Variants in CHM observed in about 807,000 individuals in gnomAD.
CHM encodes the protein rab proteins geranylgeranyltransferase component A 1.
In CHM, 10 loss-of-function variants were observed where a neutral mutation model predicts 49.0. That is an observed-to-expected ratio of 0.20 (90% CI 0.13 to 0.35). The LOEUF is 0.35. Ranked by LOEUF, CHM falls within the 10% of genes least tolerant of loss-of-function variation. CHM has a pLI of 1.00. For synonymous variants in CHM, 184 were observed against 167.5 expected, an observed-to-expected ratio of 1.10 and a Z score of -0.76; for missense variants, 455 against 478.4, an observed-to-expected ratio of 0.95 and a Z score of 0.46.
chrX:85,894,194 C>A lies in CHM; in HGVS notation c.1504G>T (p.Gly502Cys). 8.3e-7 allele frequency: 1 copy of A among 1,206,768 alleles called. No homozygotes were observed. Among genetic ancestry groups the A allele is most frequent in the Non-Finnish European group, 1.1e-6 (1 of 891,124 alleles). The change falls in exon 12 of 15, where the codon GGC becomes TGC. Residue 502 changes from glycine (G) to cysteine (C), a missense_variant. Gly to Cys is a radical substitution (Grantham distance 159). Transcript: ENST00000357749. The part of the protein sequence containing the change: ...LCSSTMTCMK[G>C]TYLVHLTCTS... Reference sequence around the variant, plus strand: ...ACCACTCTACTATGCTTACAGGTGCCTTTCATGCATGTCATCGTTGAAGAA... The same window carrying A: ...ACCACTCTACTATGCTTACAGGTGCATTTCATGCATGTCATCGTTGAAGAA...
At chrX:85,911,461 A>G (rs750911441) in intron 8 of CHM, 123 bp from the exon 9 acceptor site, 1 of 296,670 alleles carries the variant, frequency 3.4e-6, no homozygotes, top group Admixed American at 3.8e-5. Flanking sequence ...TTGATAATGT[A>G]CTATTTTCTC....
At chrX:85,978,475 A>C (rs1226606759) in intron 4 of CHM, among the ~76,000 whole-genome samples, 2 of 111,908 alleles carry the variant, frequency 1.8e-5, no homozygotes. Context: ...TTCTGTAAAA[A>C]AAATCCAACT....
At chrX:86,040,683 T>G (rs374944271) in intron 1 of CHM, among the ~76,000 whole-genome samples, 37 of 112,302 alleles carry the variant, frequency 3.3e-4, no homozygotes, top group South Asian at 2.6e-3. Context: ...CCTGTCTGTT[T>G]GCAAACTGTT....
intron 8 of CHM, among the ~76,000 whole-genome samples, chrX:85,947,671 A>G (rs1482996772): frequency 8.9e-6 from 1 of 111,745 alleles, no homozygotes; most frequent in African/African-American, 3.3e-5. Context: ...TCTATAGAAC[A>G]AAGAGCCTGC....
chrX:85,865,754 C>A (rs1419790511), intron 14 of CHM, among the ~76,000 whole-genome samples: 2 of 112,099 alleles, frequency 1.8e-5, no homozygotes, highest in African/African-American at 6.5e-5. Flanking sequence ...TTATTGGGAA[C>A]TGGAGCAAAG....
At chrX:85,928,176 T>C (rs1928201279) in intron 8 of CHM, among the ~76,000 whole-genome samples, 1 of 112,212 alleles carries the variant, frequency 8.9e-6, no homozygotes, top group African/African-American at 3.2e-5. Context: ...AATGAAAGTG[T>C]CTCTTTATTC....
intron 12 of CHM, among the ~76,000 whole-genome samples, chrX:85,891,906 TG>T (rs779973439): frequency 4.3e-4 from 48 of 112,139 alleles, no homozygotes; most frequent in Middle Eastern, 9.2e-3. Context: ...AGAGTGGAGC[TG>T]CCCAAGACCA....
intron 2 of CHM, among the ~76,000 whole-genome samples, chrX:86,021,045 CATATATACACACATATATATACACAT>C (rs1284361201): frequency 2.8e-4 from 27 of 95,131 alleles, no homozygotes; most frequent in Middle Eastern, 0.011. Context: ...TATATATACA[CATATATACACACATATATATACACAT>C]ATATATACAC....
intron 8 of CHM, 81 bp from the exon 9 acceptor site, chrX:85,911,419 C>T (rs761976620): frequency 4.9e-6 from 2 of 409,693 alleles, no homozygotes; most frequent in East Asian, 8.0e-5. Flanking sequence ...AAGTATTTTA[C>T]ACTTCATAAC....
At chrX:85,987,434 TA>T (rs1169129047) in intron 2 of CHM, among the ~76,000 whole-genome samples, 4 of 111,711 alleles carry the variant, frequency 3.6e-5, no homozygotes, top group African/African-American at 1.3e-4. Context: ...CCCATCAGGC[TA>T]AAAGTGGTCC....
At position 86,047,227 on chromosome X, in the gene CHM, G is replaced by A. The variant is rs775199828; in HGVS notation, c.49+257C>T. 83 of 423,911 alleles carry A rather than the reference G, an allele frequency of 2.0e-4. 1 individual carries two copies. In the South Asian group the frequency reaches 2.8e-3, roughly 14 times the overall value. 34.9% of individuals were successfully genotyped at this position (423,911 alleles called of 1,213,427 possible). A position where few individuals can be genotyped will look rare whatever the true frequency, so the allele number is the denominator to read the frequency against. ...CACTTCCCTCTAAGGAAATTAACAG[G>A]AATCACCGCAGCAACCAACCTCAGC... On this transcript the variant is annotated intron_variant, in intron 1 of 14. Coordinates refer to ENST00000357749, the MANE Select transcript of CHM (RefSeq NM_000390.4).
chrX:85,985,027 G>C (rs996919076), intron 2 of CHM, among the ~76,000 whole-genome samples: 1 of 111,582 alleles, frequency 9.0e-6, no homozygotes, highest in Non-Finnish European at 1.9e-5. Context: ...TAGGAAAGGG[G>C]CTGAATTCAG....
Position 86,022,578 on chromosome X carries a change from C to T in CHM, c.116+4913G>A, listed in dbSNP as rs73630491. On this transcript the variant is annotated intron_variant, in intron 2 of 14. Transcript: ENST00000357749. ...CCCATGCCTTAAAAGTTGCTCTTGC[C>T]CAGGTTTCTATACTTGCCTGTTTTG... 7.0e-3 allele frequency among the ~76,000 whole-genome samples: 772 copies of T among 111,056 alleles called. 5 individuals are homozygous for T. The highest frequency in any genetic ancestry group is 0.023 in the African/African-American group (700 of 30,586).
intron 8 of CHM, among the ~76,000 whole-genome samples, chrX:85,927,805 G>A (rs996995920): frequency 8.9e-6 from 1 of 111,799 alleles, no homozygotes; most frequent in Non-Finnish European, 1.9e-5. Context: ...TTTTTGGCTG[G>A]TAGCCCCCCT....
Position 85,863,323 on chromosome X carries a change from C to T in CHM, c.*1307G>A, listed in dbSNP as rs1221790069. 9.0e-6 allele frequency: 1 copy of T among 111,521 alleles called. No homozygotes were observed. Among genetic ancestry groups the T allele is most frequent in the Non-Finnish European group, 1.9e-5 (1 of 53,137 alleles). 9.2% of individuals were successfully genotyped at this position (111,521 alleles called of 1,213,427 possible). A position where few individuals can be genotyped will look rare whatever the true frequency, so the allele number is the denominator to read the frequency against. On this transcript the variant is annotated 3_prime_UTR_variant, in exon 15 of 15. Transcript: ENST00000357749. ...GGCCAGGCTGGTCTCGAACTCCTGA[C>T]CTCAAGTGATCTACCCACCTCAGCT...
intron 14 of CHM, 93 bp from the exon 15 acceptor site, chrX:85,864,914 A>G: frequency 3.3e-6 from 3 of 898,957 alleles, no homozygotes; most frequent in Non-Finnish European, 4.7e-6. Flanking sequence ...TAAGTGTTTT[A>G]TCCTTAAAAA....
chrX:85,960,581 G>A (rs1205537235), intron 5 of CHM, among the ~76,000 whole-genome samples: 2 of 110,052 alleles, frequency 1.8e-5, no homozygotes, highest in African/African-American at 3.3e-5. Context: ...GCAATGCCAC[G>A]CCCAGCTAAT....
In CHM at chrX:85,934,019, T is replaced by C. The variant is rs746977352; in HGVS notation, c.1166+22134A>G. On this transcript the variant is annotated intron_variant, in intron 8 of 14. Coordinates refer to ENST00000357749, the MANE Select transcript of CHM (RefSeq NM_000390.4). ...TCTTTGAGACGGAGTCTCGCTCTGT[T>C]GCCCAGGCTGGAGTGCAGTAGCGCA... 8.3e-5 allele frequency among the ~76,000 whole-genome samples: 9 copies of C among 108,934 alleles called. No homozygotes were observed. The East Asian group carries it at 1.8e-3, about 21-fold the overall frequency. 94.6% of individuals were successfully genotyped at this position (108,934 alleles called of 115,157 possible).
intron 2 of CHM, among the ~76,000 whole-genome samples, chrX:86,018,232 A>C (rs1933390313): frequency 8.9e-6 from 1 of 112,715 alleles, no homozygotes; most frequent in Non-Finnish European, 1.9e-5. Context: ...AAAATACATT[A>C]AGACATTTTA....
Sources: allele counts gnomAD v4.1 joint callset (sites outside exome capture counted in the v4.1 genomes callset), GRCh38; gene constraint gnomAD v4.1.1; transcripts MANE v1.5; gene names NCBI Gene and HGNC (gene_info 2026-07-23, HGNC 2026-07-21).